Variants in CAMK1D observed in about 807,000 individuals in gnomAD.
CAMK1D encodes calcium/calmodulin dependent protein kinase ID.
In CAMK1D, 9 loss-of-function variants were observed where a neutral mutation model predicts 47.7. The ratio of observed to expected loss-of-function variants is 0.19; its 90% CI spans 0.11 to 0.33. The LOEUF (loss-of-function observed/expected upper bound fraction) is 0.33, where lower values mean the gene tolerates loss of function less well. Among genes scored for constraint, CAMK1D ranks in the 10% least tolerant of loss-of-function variants. The probability of loss-of-function intolerance (pLI) is 1.00; values close to 1 mark genes in which losing one functional copy is unlikely to be tolerated. For synonymous variants in CAMK1D, 184 were observed against 184.9 expected, an observed-to-expected ratio of 0.99 and a Z score of 0.04; for missense variants, 291 against 488.7, an observed-to-expected ratio of 0.60 and a Z score of 3.81.
intron 3 of CAMK1D, among the ~76,000 whole-genome samples, chr10:12,700,341 G>A (rs1297657229): frequency 2.0e-5 from 3 of 152,160 alleles, no homozygotes; most frequent in Non-Finnish European, 2.9e-5. Context: ...CACGTGGTGG[G>A]AGGAAGGAGA....
At chr10:12,660,307 T>C (rs1187092818) in intron 2 of CAMK1D, among the ~76,000 whole-genome samples, 1 of 152,142 alleles carries the variant, frequency 6.6e-6, no homozygotes, top group Non-Finnish European at 1.5e-5. Context: ...AGTTAAAAAT[T>C]TGTGAATCCT....
intron 3 of CAMK1D, chr10:12,760,722 C>T (rs2243555): frequency 0.022 from 10,647 of 491,180 alleles, 530 homozygotes; most frequent in African/African-American, 0.13. Context: ...GTGGCTGGTC[C>T]GTGGATCGTG....
chr10:12,604,902 T>TG (rs1225793881), intron 2 of CAMK1D, among the ~76,000 whole-genome samples: 1 of 151,872 alleles, frequency 6.6e-6, no homozygotes, highest in Non-Finnish European at 1.5e-5. Context: ...TCTTTTTTTT[T>TG]TTTGAGATGG....
chr10:12,402,082 T>A (rs1050884955), intron 1 of CAMK1D, among the ~76,000 whole-genome samples: 7 of 150,318 alleles, frequency 4.7e-5, no homozygotes, highest in South Asian at 2.1e-4. Context: ...ATATATATAT[T>A]TTTTTGAGAT....
chr10:12,637,937 G>C (rs1472944648), intron 2 of CAMK1D, among the ~76,000 whole-genome samples: 4 of 152,174 alleles, frequency 2.6e-5, no homozygotes, highest in Non-Finnish European at 5.9e-5. Context: ...CCGATGTCCA[G>C]CCTTGTAGCC....
At chr10:12,694,095 T>TTATATATTA (rs1458905055) in intron 3 of CAMK1D, among the ~76,000 whole-genome samples, 1 of 53,980 alleles carries the variant, frequency 1.9e-5, no homozygotes, top group Admixed American at 3.6e-4. Flanking sequence ...ATAATATATA[T>TTATATATTA]TATATAATAT....
chr10:12,551,143 C>T (rs902222941), intron 1 of CAMK1D, among the ~76,000 whole-genome samples: 7 of 152,194 alleles, frequency 4.6e-5, no homozygotes, highest in African/African-American at 7.2e-5. Flanking sequence ...AGGTGAACAG[C>T]GGGCAAGCAA....
At chr10:12,618,353 A>G (rs975649339) in intron 2 of CAMK1D, among the ~76,000 whole-genome samples, 2 of 152,182 alleles carry the variant, frequency 1.3e-5, no homozygotes, top group African/African-American at 4.8e-5. Context: ...CGCACTTTCA[A>G]TGCATGCTCT....
chr10:12,466,618 A>G (rs564492050), intron 1 of CAMK1D, among the ~76,000 whole-genome samples: 1 of 150,386 alleles, frequency 6.6e-6, no homozygotes, highest in African/African-American at 2.4e-5. Context: ...TTAGAAGTCA[A>G]TAGGTTTTCC....
intron 2 of CAMK1D, among the ~76,000 whole-genome samples, chr10:12,620,203 A>T (rs1306480964): frequency 2.0e-5 from 3 of 150,922 alleles, no homozygotes; most frequent in East Asian, 1.9e-4. Context: ...AAAAAAAAAA[A>T]AAAAAAAAAA....
chr10:12,412,455 CAAAAA>C (rs1180559333), intron 1 of CAMK1D, among the ~76,000 whole-genome samples: 4 of 118,660 alleles, frequency 3.4e-5, no homozygotes, highest in East Asian at 2.4e-4. Flanking sequence ...ACTAAAAATA[CAAAAA>C]AAAAAAAAAA....
intron 3 of CAMK1D, among the ~76,000 whole-genome samples, chr10:12,691,074 C>A (rs1337260878): frequency 6.6e-6 from 1 of 151,992 alleles, no homozygotes; most frequent in South Asian, 2.1e-4. Context: ...AACAATCACA[C>A]CTGCGTGGCT....
intron 8 of CAMK1D, among the ~76,000 whole-genome samples, chr10:12,821,399 G>A (rs927138228): frequency 5.3e-5 from 8 of 152,200 alleles, no homozygotes; most frequent in African/African-American, 1.9e-4. Context: ...CATCTTCTGG[G>A]CTCCAGACAC....
At chr10:12,673,908 G>A (rs1840709489) in intron 3 of CAMK1D, among the ~76,000 whole-genome samples, 2 of 152,020 alleles carry the variant, frequency 1.3e-5, no homozygotes, top group Admixed American at 6.6e-5. Context: ...AGGCTCAGTG[G>A]TTTACGCTCC....
At chr10:12,401,115 T>C (rs1391978130) in intron 1 of CAMK1D, among the ~76,000 whole-genome samples, 3 of 79,842 alleles carry the variant, frequency 3.8e-5, no homozygotes, top group African/African-American at 5.0e-5. Flanking sequence ...ATTTTATATA[T>C]ATAATATATG....
At chr10:12,691,440 TTTTTTTTTTTGAG>T (rs1832921888) in intron 3 of CAMK1D, among the ~76,000 whole-genome samples, 1 of 78,198 alleles carries the variant, frequency 1.3e-5, no homozygotes, top group Non-Finnish European at 2.4e-5. Flanking sequence ...TTTTTTTTTT[TTTTTTTTTTTGAG>T]TGAGAGTCTC....
At chr10:12,634,682 A>G (rs1839464681) in intron 2 of CAMK1D, among the ~76,000 whole-genome samples, 1 of 152,072 alleles carries the variant, frequency 6.6e-6, no homozygotes, top group South Asian at 2.1e-4. Context: ...GAGTGTCACT[A>G]CGAGTCTTGA....
intron 1 of CAMK1D, among the ~76,000 whole-genome samples, chr10:12,541,859 C>CTTCCTTCT: frequency 7.1e-6 from 1 of 140,986 alleles, no homozygotes; most frequent in Non-Finnish European, 1.5e-5. Flanking sequence ...TCCTTCCTTC[C>CTTCCTTCT]TTCCTTCCTT....
intron 1 of CAMK1D, among the ~76,000 whole-genome samples, chr10:12,502,441 G>A (rs1205219663): frequency 6.6e-6 from 1 of 152,130 alleles, no homozygotes; most frequent in African/African-American, 2.4e-5. Flanking sequence ...GCAGCGCTGG[G>A]TTCAAGGCAG....
Sources: allele counts gnomAD v4.1 joint callset (sites outside exome capture counted in the v4.1 genomes callset), GRCh38; gene constraint gnomAD v4.1.1; transcripts MANE v1.5; gene names NCBI Gene and HGNC (gene_info 2026-07-23, HGNC 2026-07-21).